Variants in IL12RB2 observed in about 807,000 individuals in gnomAD.
IL12RB2 encodes the protein interleukin-12 receptor subunit beta-2.
IL12RB2 carries 82 observed loss-of-function variants against 89.4 expected under a neutral mutation model. The ratio of observed to expected loss-of-function variants is 0.92; its 90% confidence interval spans 0.77 to 1.10. The LOEUF is 1.10. IL12RB2 is among the 50% of genes least tolerant of loss of function. IL12RB2 has a pLI of 0.00. For synonymous variants in IL12RB2, 368 were observed against 370.1 expected (o/e 0.99, Z 0.07); for missense variants, 963 against 1,031.9 (o/e 0.93, Z 0.92).
chr1:67,350,969 C>G lies in IL12RB2; in HGVS notation c.1138C>G (p.His380Asp), dbSNP rs1660765510. ...AGCCATGACACAGAACATCACAGGA[C>G]ACACCTCCTGGACCACAGTCATTCC... ...GKAMTQNITG[H>D]TSWTTVIPRT... Residue 380 changes from histidine (H) to aspartate (D), a missense_variant, in exon 10 of 17, where the codon CAC becomes GAC. Transcript: ENST00000674203. 6.2e-7 allele frequency: 1 copy of G among 1,614,048 alleles called. No individual in the cohort carries two copies. The highest frequency in any genetic ancestry group is 8.5e-7 in the Non-Finnish European group (1 of 1,180,016).
intron 4 of IL12RB2, among the ~76,000 whole-genome samples, chr1:67,325,904 T>C (rs1233698999): frequency 6.6e-6 from 1 of 152,158 alleles, no homozygotes; most frequent in Non-Finnish European, 1.5e-5. Context: ...TCCAAAAAAT[T>C]CCTAGTTTGG....
chr1:67,325,134 T>A (rs148613446), intron 4 of IL12RB2, among the ~76,000 whole-genome samples: 27 of 152,392 alleles, frequency 1.8e-4, no homozygotes, highest in African/African-American at 6.2e-4. Flanking sequence ...AATGGGGTCA[T>A]GCACCTAGTG....
intron 8 of IL12RB2, among the ~76,000 whole-genome samples, chr1:67,334,983 A>G (rs1054750243): frequency 1.8e-4 from 28 of 152,338 alleles, no homozygotes; most frequent in African/African-American, 6.5e-4. Context: ...TATATCAGAC[A>G]CTTTCACTAA....
chr1:67,375,804 C>G (rs1663899617), intron 13 of IL12RB2, among the ~76,000 whole-genome samples: 1 of 151,672 alleles, frequency 6.6e-6, no homozygotes, highest in Non-Finnish European at 1.5e-5. Context: ...TGCCATGTTG[C>G]CATGTGTACC....
intron 9 of IL12RB2, among the ~76,000 whole-genome samples, chr1:67,341,870 C>G (rs918736316): frequency 6.6e-6 from 1 of 152,208 alleles, no homozygotes; most frequent in East Asian, 1.9e-4. Context: ...GACCACAGAA[C>G]CACAGAGTTA....
At chr1:67,308,602 G>A (rs186438367) in intron 1 of IL12RB2, among the ~76,000 whole-genome samples, 2 of 152,132 alleles carry the variant, frequency 1.3e-5, no homozygotes, top group Admixed American at 6.5e-5. Context: ...TGTGAACTAT[G>A]AGGCCCTCCT....
At chr1:67,338,800 T>C (rs906163150) in intron 9 of IL12RB2, 97 bp downstream of exon 9, 3 of 749,830 alleles carry the variant, frequency 4.0e-6, no homozygotes, top group Admixed American at 1.9e-5. Context: ...CTTCAATGAT[T>C]TTGCTAGAGC....
At chr1:67,376,483 A>G (rs1043496645) in intron 13 of IL12RB2, among the ~76,000 whole-genome samples, 1 of 152,114 alleles carries the variant, frequency 6.6e-6, no homozygotes, top group Non-Finnish European at 1.5e-5. Context: ...TTATCATTGA[A>G]TCACCCTGAG....
chr1:67,347,148 C>A (rs2100816361), intron 9 of IL12RB2, among the ~76,000 whole-genome samples: 1 of 152,210 alleles, frequency 6.6e-6, no homozygotes, highest in South Asian at 2.1e-4. Flanking sequence ...AGCAAGGAAG[C>A]AAAGGATCTG....
chr1:67,374,392 A>T (rs1663713267), intron 13 of IL12RB2, among the ~76,000 whole-genome samples: 1 of 152,046 alleles, frequency 6.6e-6, no homozygotes. Context: ...GGAATTCCTC[A>T]TGTGAAATTT....
intron 2 of IL12RB2, among the ~76,000 whole-genome samples, chr1:67,315,074 G>T (rs1030782585): frequency 4.6e-5 from 7 of 152,080 alleles, no homozygotes; most frequent in African/African-American, 1.7e-4. Context: ...TCTCATAAAA[G>T]GAGAAGCTAT....
chr1:67,370,501 C>T (rs1401952209), intron 11 of IL12RB2, among the ~76,000 whole-genome samples: 1 of 152,172 alleles, frequency 6.6e-6, no homozygotes, highest in Non-Finnish European at 1.5e-5. Flanking sequence ...TTAATGTTTG[C>T]CTTCTCCCAC....
Position 67,387,424 on chromosome 1 carries a change from C to T in IL12RB2, c.1946+755C>T, listed in dbSNP as rs12117625. 7.4e-3 allele frequency among the ~76,000 whole-genome samples: 1,116 copies of T among 151,724 alleles called. 3 individuals are homozygous for T. The highest frequency in any genetic ancestry group is 0.011 in the Non-Finnish European group (757 of 67,906). On this transcript the variant is annotated intron_variant, in intron 15 of 16. Coordinates refer to ENST00000674203, the MANE Select transcript of IL12RB2 (RefSeq NM_001374259.2). Reference sequence around the variant, plus strand: ...GTAGAAATTAAATAGTATGGCAGGCCGGGCACAATGGCTCACACCTGTAAT... The same window carrying T: ...GTAGAAATTAAATAGTATGGCAGGCTGGGCACAATGGCTCACACCTGTAAT...
At position 67,372,718 on chromosome 1, in the gene IL12RB2, G is replaced by A. The variant is rs1663505097; in HGVS notation, c.1652G>A (p.Gly551Asp). 6.2e-7 allele frequency: 1 copy of A among 1,603,918 alleles called. No individual in the cohort carries two copies. The highest frequency in any genetic ancestry group is 8.5e-7 in the Non-Finnish European group (1 of 1,170,812). ...WNSIPVQEQM[G>D]CLLHYRIYWK... ...AGCATTCCAGTCCAGGAGCAAATGG[G>A]CTGCCTCCTCCATTATAGGATATAC... The change falls in exon 13 of 17, where the codon GGC becomes GAC. Residue 551 changes from glycine (G) to aspartate (D), a missense_variant. Coordinates refer to ENST00000674203, the MANE Select transcript of IL12RB2 (RefSeq NM_001374259.2).
intron 8 of IL12RB2, among the ~76,000 whole-genome samples, chr1:67,331,838 C>CATAA (rs72150017): frequency 0.014 from 2,088 of 151,582 alleles, 56 homozygotes; most frequent in African/African-American, 0.048. Flanking sequence ...GACTGCATCT[C>CATAA]ATAAATAAAT....
rs1158346009 is a variant in IL12RB2 at position 67,395,942 on chromosome 1, T to G, written c.2442T>G (p.Pro814=). The change falls in exon 17 of 17, where the codon CCT becomes CCG. Residue 814 remains proline (P), a synonymous_variant. Coordinates refer to ENST00000674203, the MANE Select transcript of IL12RB2 (RefSeq NM_001374259.2). ...NIDDLPSHEA[P]LADSLEELEP... Reference sequence around the variant, plus strand: ...ATGACCTCCCCTCACATGAGGCACCTCTCGCTGACTCTCTGGAAGAACTGG... The same window carrying G: ...ATGACCTCCCCTCACATGAGGCACCGCTCGCTGACTCTCTGGAAGAACTGG... 1 of 1,611,418 alleles carries G rather than the reference T, an allele frequency of 6.2e-7. No homozygotes were observed. Among genetic ancestry groups the G allele is most frequent in the South Asian group, 1.1e-5 (1 of 91,048 alleles).
At position 67,337,914 on chromosome 1, in the gene IL12RB2, AAAAGAAAAG is replaced by A. The variant is rs770175078; in HGVS notation, c.959-706_959-698del. 2.6e-4 allele frequency among the ~76,000 whole-genome samples: 34 copies of A among 132,400 alleles called. 1 individual carries two copies. The highest frequency in any genetic ancestry group is 4.1e-4 in the East Asian group (2 of 4,864). 86.9% of individuals were successfully genotyped at this position (132,400 alleles called of 152,430 possible). A position where few individuals can be genotyped will look rare whatever the true frequency, so the allele number is the denominator to read the frequency against. ...TCTGCATTCTAGTAAAAAAAAAAAA[AAAAGAAAAG>A]AAAAGAAAAGAAAAGAACCACATAT... On this transcript the variant is annotated intron_variant, in intron 8 of 16. Transcript: ENST00000674203.
chr1:67,333,159 A>T (rs1325021125), intron 8 of IL12RB2, among the ~76,000 whole-genome samples: 2 of 151,758 alleles, frequency 1.3e-5, no homozygotes, highest in East Asian at 3.9e-4. Flanking sequence ...CTGTCTCTGA[A>T]TCTCCCTTTT....
chr1:67,317,255 A>G (rs937469039), intron 2 of IL12RB2, among the ~76,000 whole-genome samples: 19 of 152,234 alleles, frequency 1.2e-4, no homozygotes, highest in African/African-American at 4.6e-4. Flanking sequence ...CACAGAGGCC[A>G]TTGTATTCCA....
Sources: allele counts gnomAD v4.1 joint callset (sites outside exome capture counted in the v4.1 genomes callset), GRCh38; gene constraint gnomAD v4.1.1; transcripts MANE v1.5; gene names NCBI Gene and HGNC (gene_info 2026-07-23, HGNC 2026-07-21).